ARK2N: variants seen among roughly 807,000 people sequenced by gnomAD.
The protein encoded by ARK2N is arkadia (RNF111) N-terminal like PKA signaling regulator 2N.
chr18:46,217,754 C>T, the ARK2N span: 1 of 152,058 alleles, frequency 6.6e-6, no homozygotes, highest in South Asian at 2.1e-4. Flanking sequence ...GAGTCTCAAA[C>T]GATCTTTAGA....
the ARK2N span, among the ~76,000 whole-genome samples, chr18:46,259,243 C>CT: frequency 0.049 from 6,758 of 136,616 alleles, 483 homozygotes; most frequent in African/African-American, 0.15. Flanking sequence ...TTCTTTCTTT[C>CT]TTTTTTTTTT....
the ARK2N span, chr18:46,239,882 A>G: frequency 2.3e-6 from 2 of 860,624 alleles, no homozygotes; most frequent in East Asian, 2.4e-5. Flanking sequence ...AGATCTATAA[A>G]GTGCAGCTTT....
At chr18:46,205,712 T>G in the ARK2N span, among the ~76,000 whole-genome samples, 1 of 152,106 alleles carries the variant, frequency 6.6e-6, no homozygotes, top group Non-Finnish European at 1.5e-5. Context: ...ACCTGTGGGT[T>G]GTTTTGTTTT....
the ARK2N span, among the ~76,000 whole-genome samples, chr18:46,180,994 A>G: frequency 2.6e-5 from 4 of 151,096 alleles, no homozygotes; most frequent in Admixed American, 2.6e-4. Context: ...GGGCATGGTA[A>G]CTCACGCCTG....
chr18:46,212,436 A>G, the ARK2N span, among the ~76,000 whole-genome samples: 16 of 152,164 alleles, frequency 1.1e-4, no homozygotes, highest in South Asian at 2.1e-4. Flanking sequence ...TAGTTTTGTT[A>G]TTTATTTACA....
the ARK2N span, among the ~76,000 whole-genome samples, chr18:46,209,802 G>T: frequency 6.6e-6 from 1 of 152,170 alleles, no homozygotes; most frequent in East Asian, 1.9e-4. Context: ...CACTATGTTG[G>T]CCAGGGTGGT....
the ARK2N span, among the ~76,000 whole-genome samples, chr18:46,185,030 G>C: frequency 6.6e-6 from 1 of 152,212 alleles, no homozygotes; most frequent in African/African-American, 2.4e-5. Context: ...AAAGAAAAGG[G>C]AAGTTACTCT....
the ARK2N span, chr18:46,239,917 C>A: frequency 8.3e-7 from 1 of 1,206,632 alleles, no homozygotes; most frequent in Non-Finnish European, 1.2e-6. Flanking sequence ...ATAATGAAGG[C>A]AACTGACATT....
chr18:46,227,159 A>G, the ARK2N span, among the ~76,000 whole-genome samples: 3 of 152,244 alleles, frequency 2.0e-5, no homozygotes, highest in Non-Finnish European at 4.4e-5. Flanking sequence ...AATAACATCA[A>G]TATGAAAAAG....
the ARK2N span, among the ~76,000 whole-genome samples, chr18:46,228,081 A>T: frequency 6.6e-6 from 1 of 152,198 alleles, no homozygotes; most frequent in Non-Finnish European, 1.5e-5. Context: ...ACATTGGTTA[A>T]CTATTTCCTC....
At chr18:46,237,114 C>T in the ARK2N span, among the ~76,000 whole-genome samples, 1 of 151,962 alleles carries the variant, frequency 6.6e-6, no homozygotes, top group Non-Finnish European at 1.5e-5. Flanking sequence ...TCACCTGCAT[C>T]AGCCTCCCAA....
At chr18:46,251,427 C>T in the ARK2N span, among the ~76,000 whole-genome samples, 1 of 152,072 alleles carries the variant, frequency 6.6e-6, no homozygotes, top group Non-Finnish European at 1.5e-5. Flanking sequence ...CTTATAGGGT[C>T]CAGATATGTG....
chr18:46,193,893 G>A, the ARK2N span, among the ~76,000 whole-genome samples: 2 of 151,914 alleles, frequency 1.3e-5, no homozygotes, highest in East Asian at 1.9e-4. Context: ...GCCACGGTGC[G>A]GGTCCCCTAA....
chr18:46,229,066 T>G, the ARK2N span, among the ~76,000 whole-genome samples: 1 of 152,136 alleles, frequency 6.6e-6, no homozygotes, highest in East Asian at 1.9e-4. Flanking sequence ...TATTAAAAAT[T>G]TTTCCTAAAG....
the ARK2N span, chr18:46,240,320 T>G: frequency 1.0e-6 from 1 of 962,746 alleles, no homozygotes; most frequent in Non-Finnish European, 1.5e-6. Flanking sequence ...TGGTTGTGAC[T>G]ATCCAGGCTG....
chr18:46,200,185 A>G, the ARK2N span, among the ~76,000 whole-genome samples: 1 of 152,230 alleles, frequency 6.6e-6, no homozygotes, highest in South Asian at 2.1e-4. Context: ...CCGAAAGACC[A>G]CATTTGCTAT....
the ARK2N span, chr18:46,215,663 G>A: frequency 5.2e-6 from 2 of 387,820 alleles, no homozygotes; most frequent in Non-Finnish European, 9.1e-6. Context: ...GAATTTGACT[G>A]TTGATCAAAC....
At chr18:46,216,038 C>T in the ARK2N span, 3 of 1,614,098 alleles carry the variant, frequency 1.9e-6, no homozygotes, top group Non-Finnish European at 2.5e-6. The surrounding 1 kb of genome is among the most constrained non-coding windows in gnomAD (Gnocchi z 4.3). Context: ...ACAGTTATTT[C>T]TTCAATGCCC....
the ARK2N span, among the ~76,000 whole-genome samples, chr18:46,257,872 A>G: frequency 6.6e-6 from 1 of 152,052 alleles, no homozygotes; most frequent in Non-Finnish European, 1.5e-5. Context: ...TCCTCAGCAA[A>G]GTAATTGGTG....
Sources: gnomAD v4.1 joint callset for allele counts (sites outside exome capture counted in the v4.1 genomes callset) on GRCh38, gnomAD v4.1.1 for gene constraint, Gnocchi (gnomAD v3.1) non-coding constraint, MANE v1.5 for transcripts, NCBI Gene and HGNC (gene_info 2026-07-23, HGNC 2026-07-21) for gene names.